Variants in ADGRV1 observed in about 807,000 individuals in gnomAD.
ADGRV1 encodes G-protein coupled receptor 98.
ADGRV1 carries 359 observed loss-of-function variants against 596.2 expected under a neutral mutation model. The observed-to-expected ratio is 0.60, with a 90% CI of 0.55 to 0.66. ADGRV1 has a LOEUF of 0.66. Ranked by LOEUF, ADGRV1 falls within the 30% of genes least tolerant of loss-of-function variation. The probability of loss-of-function intolerance (pLI) is 0.00; values close to 1 mark genes in which losing one functional copy is unlikely to be tolerated. For missense variants in ADGRV1, 7,274 were observed against 7,575.6 expected (o/e 0.96, Z 1.48); for synonymous variants, 2,681 against 2,679.2 (o/e 1.00, Z -0.02).
intron 60 of ADGRV1, among the ~76,000 whole-genome samples, chr5:90,775,850 AGAAAGT>A (rs1758170031): frequency 6.6e-6 from 1 of 152,162 alleles, no homozygotes; most frequent in African/African-American, 2.4e-5. Context: ...CCATTGCCAA[AGAAAGT>A]GAGAGTATAG....
At chr5:91,097,803 C>G (rs1037063706) in intron 86 of ADGRV1, among the ~76,000 whole-genome samples, 1 of 152,038 alleles carries the variant, frequency 6.6e-6, no homozygotes, top group Middle Eastern at 3.2e-3. Context: ...TGGTTTTGAT[C>G]TTCGTTTCCC....
intron 71 of ADGRV1, 74 bp downstream of exon 71, chr5:90,802,956 A>C: frequency 1.5e-6 from 2 of 1,304,076 alleles, no homozygotes; most frequent in Non-Finnish European, 2.1e-6. Context: ...GGAGACTCTT[A>C]GAGCTAGAAT....
chr5:90,729,800 TA>T, intron 50 of ADGRV1, 36 bp downstream of exon 50: 1 of 1,600,656 alleles, frequency 6.2e-7, no homozygotes, highest in Non-Finnish European at 8.5e-7. Flanking sequence ...ATTCTAAAGG[TA>T]GTATGGAAAG....
At chr5:90,652,281 A>G in intron 18 of ADGRV1, 65 bp from the exon 19 acceptor site, 1 of 1,153,548 alleles carries the variant, frequency 8.7e-7, no homozygotes, top group Admixed American at 2.5e-5. Flanking sequence ...TTTCCTTAAT[A>G]ACACAGGAAG....
intron 85 of ADGRV1, among the ~76,000 whole-genome samples, chr5:91,064,749 A>C (rs1476365435): frequency 2.6e-5 from 4 of 152,202 alleles, no homozygotes; most frequent in Non-Finnish European, 5.9e-5. Context: ...CTACCTTACA[A>C]CTGTTTAAAC....
intron 21 of ADGRV1, among the ~76,000 whole-genome samples, chr5:90,668,951 G>A (rs1350617902): frequency 6.6e-6 from 1 of 152,118 alleles, no homozygotes. Flanking sequence ...AAAAATTTAA[G>A]TTTGTAAAAG....
At chr5:90,650,760 A>G (rs1442722430) in intron 17 of ADGRV1, among the ~76,000 whole-genome samples, 2 of 152,078 alleles carry the variant, frequency 1.3e-5, no homozygotes, top group African/African-American at 4.8e-5. Context: ...TAATATGATC[A>G]TTGTTATGAT....
chr5:90,768,133 A>G (rs1184146532), intron 59 of ADGRV1, among the ~76,000 whole-genome samples: 1 of 152,222 alleles, frequency 6.6e-6, no homozygotes, highest in African/African-American at 2.4e-5. Flanking sequence ...TTGAGCATAA[A>G]ATCTACATTA....
intron 27 of ADGRV1, among the ~76,000 whole-genome samples, chr5:90,681,678 C>G (rs534351641): frequency 6.6e-6 from 1 of 152,152 alleles, no homozygotes; most frequent in South Asian, 2.1e-4. Context: ...ATCCTTGACC[C>G]TTTAAGGAAC....
intron 75 of ADGRV1, among the ~76,000 whole-genome samples, chr5:90,816,068 G>A (rs1022701241): frequency 6.6e-6 from 1 of 152,152 alleles, no homozygotes; most frequent in Non-Finnish European, 1.5e-5. Context: ...AACTTTGTTT[G>A]CAACTTAAAA....
intron 34 of ADGRV1, among the ~76,000 whole-genome samples, chr5:90,701,551 CTTTTA>C (rs1278566308): frequency 2.6e-5 from 4 of 151,694 alleles, no homozygotes; most frequent in Non-Finnish European, 5.9e-5. Context: ...TTTCATTTAT[CTTTTA>C]TTTATATGTG....
intron 75 of ADGRV1, among the ~76,000 whole-genome samples, chr5:90,820,569 A>T (rs2150282144): frequency 6.6e-6 from 1 of 151,410 alleles, no homozygotes; most frequent in East Asian, 2.0e-4. Flanking sequence ...GTTCCTTTCC[A>T]TGTTTAGTGC....
At chr5:91,084,621 A>G (rs1162731283) in intron 86 of ADGRV1, among the ~76,000 whole-genome samples, 2 of 152,200 alleles carry the variant, frequency 1.3e-5, no homozygotes, top group Non-Finnish European at 2.9e-5. Context: ...ACGCTTTTAC[A>G]CTGCTGGTGG....
chr5:90,607,916 T>C (rs1204184377), intron 1 of ADGRV1, among the ~76,000 whole-genome samples: 1 of 152,174 alleles, frequency 6.6e-6, no homozygotes. Flanking sequence ...CAAATTATTT[T>C]TGTTAATTTA....
intron 57 of ADGRV1, among the ~76,000 whole-genome samples, chr5:90,759,133 G>A (rs1213871690): frequency 2.0e-5 from 3 of 151,910 alleles, no homozygotes; most frequent in Non-Finnish European, 4.4e-5. Flanking sequence ...GAAAATAATA[G>A]ACTGTAAATT....
intron 85 of ADGRV1, among the ~76,000 whole-genome samples, chr5:91,014,175 C>CACACACACACACACA (rs56200811): frequency 4.5e-4 from 65 of 143,524 alleles, no homozygotes; most frequent in South Asian, 1.3e-3. Flanking sequence ...CACACACACA[C>CACACACACACACACA]CCCTAGACAT....
Position 90,653,484 on chromosome 5 carries a change from C to T in ADGRV1, c.3910C>T (p.Leu1304=), listed in dbSNP as rs774326833. Residue 1304 remains leucine, a synonymous_variant, in exon 20 of 90, where the codon CTG becomes TTG. Transcript: ENST00000405460. ...AGLPPMIDFL[L]VGIFPTTVHL... ...TTTGCCACCAATGATAGATTTTTTACTGGTTGGAATTTTCCCCACCACCGT... is the reference window on the plus strand; with the variant it reads ...TTTGCCACCAATGATAGATTTTTTATTGGTTGGAATTTTCCCCACCACCGT... The T allele has an allele frequency of 6.2e-7, 1 of 1,613,900 alleles. No homozygotes were observed. Among genetic ancestry groups the T allele is most frequent in the South Asian group, 1.1e-5 (1 of 91,072 alleles).
intron 87 of ADGRV1, among the ~76,000 whole-genome samples, chr5:91,121,179 A>G (rs971582199): frequency 1.3e-5 from 2 of 152,214 alleles, no homozygotes; most frequent in Non-Finnish European, 2.9e-5. Flanking sequence ...GGCTCAAAAA[A>G]TAAATAAAAA....
Position 90,637,896 on chromosome 5 carries a change from A to G in ADGRV1, c.2188A>G (p.Lys730Glu), listed in dbSNP as rs1263960548. ...QSDTTINITI[K>E]GDDIPEMNET... ...TGACACAACAATCAACATTACTATC[A>G]AAGGTGATGACATACCGGAAATGAA... is the stretch of plus-strand genomic sequence containing the variant. The change falls in exon 11 of 90, where the codon AAA becomes GAA. Residue 730 changes from lysine to glutamate, a missense_variant. Physicochemically the swap from Lys to Glu is moderately conservative, Grantham distance 56. Around this residue, in one of 5 missense-constraint regions of ADGRV1, gnomAD observed 1,715 missense variants for 1,708.8 expected, o/e 1.00. Transcript: ENST00000405460. The G allele has an allele frequency of 6.2e-7, 1 of 1,613,696 alleles. No individual in the cohort carries two copies. Among genetic ancestry groups the G allele is most frequent in the Non-Finnish European group, 8.5e-7 (1 of 1,179,728 alleles).
Sources: gnomAD v4.1 joint callset for allele counts (sites outside exome capture counted in the v4.1 genomes callset) on GRCh38, gnomAD v4.1.1 for gene constraint, gnomAD v4.1.1 regional missense constraint, MANE v1.5 for transcripts, NCBI Gene and HGNC (gene_info 2026-07-23, HGNC 2026-07-21) for gene names.